BANK1: variants seen among roughly 807,000 people sequenced by gnomAD.
BANK1 encodes B cell scaffold protein with ankyrin repeats 1, also known as B-cell scaffold protein with ankyrin repeats.
BANK1 carries 95 observed loss-of-function variants against 94.5 expected under a neutral mutation model. The ratio of observed to expected loss-of-function variants is 1.00; its 90% CI spans 0.85 to 1.19. The LOEUF is 1.19. BANK1 is among the 50% of genes most tolerant of loss of function. The pLI, the probability that BANK1 is intolerant of heterozygous loss-of-function variation, is 0.00. For synonymous variants in BANK1, 334 were observed against 308.4 expected (o/e 1.08, Z -0.87); for missense variants, 987 against 932.2 (o/e 1.06, Z -0.77).
chr4:101,877,830 A>G, intron 5 of BANK1, among the ~76,000 whole-genome samples: 1 of 152,166 alleles, frequency 6.6e-6, no homozygotes, highest in East Asian at 1.9e-4. Flanking sequence ...GGTTGCAGTG[A>G]GCCAAGATTG....
chr4:102,072,532 C>T, intron 15 of BANK1, 132 bp downstream of exon 15: 2 of 572,618 alleles, frequency 3.5e-6, no homozygotes, highest in South Asian at 6.2e-5. Context: ...TTAGGTGTGC[C>T]TTTGTGTGCA....
At chr4:101,795,730 C>A (rs1725133120) in intron 1 of BANK1, among the ~76,000 whole-genome samples, 1 of 152,102 alleles carries the variant, frequency 6.6e-6, no homozygotes, top group Admixed American at 6.5e-5. Flanking sequence ...CTCATGATTT[C>A]TCAGTAAAAA....
chr4:102,016,681 G>A (rs1726711917), intron 7 of BANK1, among the ~76,000 whole-genome samples: 1 of 152,144 alleles, frequency 6.6e-6, no homozygotes. Context: ...ACTTGGTGAT[G>A]CAGTTAACAT....
At chr4:101,905,474 A>G (rs1479144994) in intron 6 of BANK1, among the ~76,000 whole-genome samples, 1 of 152,134 alleles carries the variant, frequency 6.6e-6, no homozygotes, top group Non-Finnish European at 1.5e-5. Context: ...TTAGAGTGAC[A>G]CTGATTAGCC....
At position 101,969,054 on chromosome 4, in the gene BANK1, G is replaced by A. The variant is rs73834520; in HGVS notation, c.1206+50865G>A. On this transcript the variant is annotated intron_variant, in intron 7 of 16. Coordinates refer to ENST00000322953, the MANE Select transcript of BANK1 (RefSeq NM_017935.5). ...ATCTGAGCTCATTGGAAGGAGAGTCGTCTCTACCATAGACTCTTCTCAGTA... is the reference window on the plus strand; with the variant it reads ...ATCTGAGCTCATTGGAAGGAGAGTCATCTCTACCATAGACTCTTCTCAGTA... 1.9e-3 allele frequency among the ~76,000 whole-genome samples: 291 copies of A among 152,058 alleles called. 1 individual carries two copies. Among genetic ancestry groups the A allele is most frequent in the African/African-American group, 6.5e-3 (269 of 41,482 alleles).
At chr4:101,944,939 G>C (rs373959167) in intron 7 of BANK1, among the ~76,000 whole-genome samples, 1 of 151,854 alleles carries the variant, frequency 6.6e-6, no homozygotes, top group Non-Finnish European at 1.5e-5. Context: ...AAGTGTGTGC[G>C]GAAAATAAAA....
intron 7 of BANK1, among the ~76,000 whole-genome samples, chr4:101,979,965 A>T (rs1725275102): frequency 1.3e-5 from 2 of 151,816 alleles, no homozygotes; most frequent in South Asian, 4.1e-4. Flanking sequence ...TAAACACTTG[A>T]TATTCCTTGC....
At chr4:101,928,544 G>C (rs1723237878) in intron 7 of BANK1, among the ~76,000 whole-genome samples, 1 of 151,704 alleles carries the variant, frequency 6.6e-6, no homozygotes, top group South Asian at 2.1e-4. Context: ...CCCTTTGTTA[G>C]TGTTTAATTT....
intron 7 of BANK1, among the ~76,000 whole-genome samples, chr4:101,984,979 G>C (rs1013334630): frequency 5.3e-5 from 8 of 152,072 alleles, no homozygotes; most frequent in African/African-American, 1.9e-4. Flanking sequence ...ATTAGATTAG[G>C]TTCTCCAGAG....
At chr4:101,905,475 C>T (rs1266976979) in intron 6 of BANK1, among the ~76,000 whole-genome samples, 1 of 152,216 alleles carries the variant, frequency 6.6e-6, no homozygotes, top group Non-Finnish European at 1.5e-5. Context: ...TAGAGTGACA[C>T]TGATTAGCCC....
chr4:101,792,465 G>GT (rs1424886316), intron 1 of BANK1, among the ~76,000 whole-genome samples: 5 of 48,048 alleles, frequency 1.0e-4, no homozygotes, highest in Non-Finnish European at 1.7e-4. Context: ...GTGTGTGTGT[G>GT]TGTGTTTTTT....
chr4:102,021,603 C>A lies in BANK1; in HGVS notation c.1285+11C>A. ...CCACATATATTCCTTGTAAGTTTTT[C>A]CATGTTATATATATATATGACATAT... On this transcript the variant is annotated intron_variant, in intron 8 of 16. Coordinates refer to ENST00000322953, the MANE Select transcript of BANK1 (RefSeq NM_017935.5). 3 of 1,184,676 alleles carry A rather than the reference C, an allele frequency of 2.5e-6. No homozygotes were observed. The highest frequency in any genetic ancestry group is 3.5e-6 in the Non-Finnish European group (3 of 856,280). 73.4% of individuals were successfully genotyped at this position (1,184,676 alleles called of 1,614,324 possible).
chr4:101,886,840 T>G (rs1728875077), intron 5 of BANK1, among the ~76,000 whole-genome samples: 1 of 152,126 alleles, frequency 6.6e-6, no homozygotes, highest in South Asian at 2.1e-4. Context: ...AAAACTTTTA[T>G]CAGATTGTCT....
intron 7 of BANK1, among the ~76,000 whole-genome samples, chr4:101,992,288 C>T (rs943774167): frequency 3.3e-5 from 5 of 151,940 alleles, no homozygotes; most frequent in African/African-American, 1.2e-4. Flanking sequence ...GTGGATTTCT[C>T]AATAAAATCA....
intron 2 of BANK1, among the ~76,000 whole-genome samples, chr4:101,842,662 G>A (rs919246484): frequency 3.3e-5 from 5 of 152,168 alleles, no homozygotes; most frequent in African/African-American, 1.2e-4. Context: ...ACGTACTCAA[G>A]TCTAATCTAT....
chr4:102,052,131 T>C (rs113721506), intron 11 of BANK1, among the ~76,000 whole-genome samples: 3 of 95,962 alleles, frequency 3.1e-5, no homozygotes, highest in Non-Finnish European at 6.8e-5. Context: ...TTTTTTTTTT[T>C]TTTTTGAGAC....
chr4:102,058,883 C>G (rs1463756740), intron 11 of BANK1, among the ~76,000 whole-genome samples: 2 of 151,952 alleles, frequency 1.3e-5, no homozygotes, highest in Admixed American at 6.6e-5. Context: ...TTATTGGCCA[C>G]AGAGAAATTT....
At chr4:101,937,826 C>G (rs1723620182) in intron 7 of BANK1, among the ~76,000 whole-genome samples, 1 of 151,820 alleles carries the variant, frequency 6.6e-6, no homozygotes, top group Non-Finnish European at 1.5e-5. Context: ...ATAGCAAAGA[C>G]TTTGAACCAA....
intron 1 of BANK1, among the ~76,000 whole-genome samples, chr4:101,813,308 A>G (rs562271320): frequency 6.6e-6 from 1 of 152,200 alleles, no homozygotes; most frequent in South Asian, 2.1e-4. Flanking sequence ...TCCTTAATAA[A>G]TAACATTTGA....
Sources: gnomAD v4.1 joint callset for allele counts (sites outside exome capture counted in the v4.1 genomes callset) on GRCh38, gnomAD v4.1.1 for gene constraint, MANE v1.5 for transcripts, NCBI Gene and HGNC (gene_info 2026-07-23, HGNC 2026-07-21) for gene names.